The following CNBD1 variants were observed in gnomAD, a reference collection of about 807,000 sequenced individuals.
CNBD1 encodes cyclic nucleotide binding domain containing 1.
Under a neutral mutation model 54.4 loss-of-function variants are expected in CNBD1, and 71 were observed. The ratio of observed to expected loss-of-function variants is 1.30; its 90% CI spans 1.08 to 1.59. The LOEUF (loss-of-function observed/expected upper bound fraction) is 1.59. CNBD1 is among the 40% of genes most tolerant of loss of function. The pLI, the probability that CNBD1 is intolerant of heterozygous loss-of-function variation, is 0.00. For missense variants in CNBD1, 659 were observed against 518.0 expected, an observed-to-expected ratio of 1.27 and a Z score of -2.64; for synonymous variants, 182 against 170.7, an observed-to-expected ratio of 1.07 and a Z score of -0.51.
intron 4 of CNBD1, among the ~76,000 whole-genome samples, chr8:87,133,618 A>G (rs1375711655): frequency 6.6e-6 from 1 of 151,834 alleles, no homozygotes; most frequent in African/African-American, 2.4e-5. Context: ...TTCATTTTCT[A>G]CTAGGTGGGG....
chr8:87,013,020 C>T (rs1350593452), intron 4 of CNBD1, among the ~76,000 whole-genome samples: 1 of 152,154 alleles, frequency 6.6e-6, no homozygotes, highest in African/African-American at 2.4e-5. Flanking sequence ...GAGTTTGACT[C>T]TTTTTGTCAA....
Position 87,342,403 on chromosome 8 carries a change from A to T in CNBD1, c.1043-9282A>T, listed in dbSNP as rs1050361309. 2.6e-5 allele frequency among the ~76,000 whole-genome samples: 4 copies of T among 152,180 alleles called. 1 individual carries two copies. The highest frequency in any genetic ancestry group is 6.5e-5 in the Admixed American group (1 of 15,282). ...GAAACCAATTTATTTGTATTCTTTAATTAGAGTATATTTCTCTCAGTTACT... is the reference window on the plus strand; with the variant it reads ...GAAACCAATTTATTTGTATTCTTTATTTAGAGTATATTTCTCTCAGTTACT... On this transcript the variant is annotated intron_variant, in intron 8 of 10. Coordinates refer to ENST00000518476, the MANE Select transcript of CNBD1 (RefSeq NM_173538.3).
In CNBD1 at chr8:86,939,595, G is replaced by T; in HGVS notation, c.273-1G>T. ...ATAAAATACTATATTTTCTTGTTCA[G>T]GGAACTCAATGAAGGCAAAGAGGAA... is the stretch of plus-strand genomic sequence containing the variant. On this transcript the variant is annotated splice_acceptor_variant, in intron 3 of 10. Coordinates refer to ENST00000518476, the MANE Select transcript of CNBD1 (RefSeq NM_173538.3). LOFTEE classifies it high-confidence loss of function. 4 of 1,572,294 alleles carry T rather than the reference G, an allele frequency of 2.5e-6. No individual in the cohort carries two copies. The highest frequency in any genetic ancestry group is 3.4e-6 in the Non-Finnish European group (4 of 1,162,810).
intron 5 of CNBD1, among the ~76,000 whole-genome samples, chr8:87,234,292 A>G (rs747537209): frequency 8.5e-5 from 13 of 152,218 alleles, no homozygotes; most frequent in Non-Finnish European, 1.5e-4. Context: ...AATGGCATCT[A>G]GAATAATGAA....
chr8:87,245,744 T>C (rs1177712714), intron 6 of CNBD1, among the ~76,000 whole-genome samples: 1 of 152,020 alleles, frequency 6.6e-6, no homozygotes, highest in Non-Finnish European at 1.5e-5. Flanking sequence ...TTTTACCTAT[T>C]AATTTATAAG....
chr8:87,011,793 GT>G (rs1809228505), intron 4 of CNBD1, among the ~76,000 whole-genome samples: 1 of 152,034 alleles, frequency 6.6e-6, no homozygotes, highest in African/African-American at 2.4e-5. Context: ...GGCTCATATT[GT>G]TTTTATGGAA....
intron 4 of CNBD1, among the ~76,000 whole-genome samples, chr8:87,033,203 A>G (rs1038000506): frequency 1.3e-5 from 2 of 152,154 alleles, no homozygotes; most frequent in Non-Finnish European, 2.9e-5. Context: ...CACAGTATTG[A>G]CAATTTCTTA....
intron 4 of CNBD1, among the ~76,000 whole-genome samples, chr8:87,188,025 C>G (rs963933907): frequency 3.3e-5 from 5 of 152,136 alleles, no homozygotes; most frequent in African/African-American, 7.2e-5. Flanking sequence ...TTCCTCATTG[C>G]TCTCTCTGCT....
chr8:86,944,297 G>A (rs1029304998), intron 4 of CNBD1, among the ~76,000 whole-genome samples: 2 of 152,132 alleles, frequency 1.3e-5, no homozygotes, highest in African/African-American at 4.8e-5. Flanking sequence ...GTTTCTGTCA[G>A]TATTCCTGGT....
intron 4 of CNBD1, among the ~76,000 whole-genome samples, chr8:86,967,458 G>A (rs185213065): frequency 6.6e-5 from 10 of 152,324 alleles, no homozygotes; most frequent in South Asian, 4.1e-4. Flanking sequence ...CAGAAGGGGC[G>A]GGGCTCCCAC....
intron 4 of CNBD1, among the ~76,000 whole-genome samples, chr8:87,160,119 TTATC>T (rs1812824630): frequency 1.3e-5 from 2 of 152,056 alleles, no homozygotes; most frequent in Admixed American, 1.3e-4. Flanking sequence ...TGGAAGATGA[TTATC>T]ATATCATTTG....
At chr8:87,219,865 T>C (rs757089065) in intron 5 of CNBD1, among the ~76,000 whole-genome samples, 3 of 151,992 alleles carry the variant, frequency 2.0e-5, no homozygotes, top group Non-Finnish European at 4.4e-5. Context: ...CACATACTTC[T>C]TAATATTTTG....
rs183207556 is a variant in CNBD1, at chr8:87,321,016, C to T, written c.1043-30669C>T. Among the ~76,000 whole-genome samples, 13 of 152,204 alleles carry T rather than the reference C, an allele frequency of 8.5e-5. No individual in the cohort carries two copies. The East Asian group carries it at 2.1e-3, about 25-fold the overall frequency. ...TTAGAATAATATTCTCAAACTGCAT[C>T]CATGTTGCAGAATATGAGAGTAATT... is the stretch of plus-strand genomic sequence containing the variant. On this transcript the variant is annotated intron_variant, in intron 8 of 10. Coordinates refer to ENST00000518476, the MANE Select transcript of CNBD1 (RefSeq NM_173538.3).
At chr8:87,341,760 G>A (rs6468777) in intron 8 of CNBD1, among the ~76,000 whole-genome samples, 15,011 of 152,228 alleles carry the variant, frequency 0.099, 753 homozygotes, top group African/African-American at 0.11. Flanking sequence ...AATCTTGGAA[G>A]TAGAGAGCAA....
At chr8:87,256,006 T>C (rs1808010275) in intron 6 of CNBD1, among the ~76,000 whole-genome samples, 1 of 20,674 alleles carries the variant, frequency 4.8e-5, no homozygotes, top group Non-Finnish European at 8.0e-5. Context: ...TATATATATA[T>C]ATATATATAT....
At chr8:87,194,311 A>G (rs1586320974) in intron 4 of CNBD1, among the ~76,000 whole-genome samples, 1 of 152,226 alleles carries the variant, frequency 6.6e-6, no homozygotes, top group Non-Finnish European at 1.5e-5. Flanking sequence ...GTTAAGGGGA[A>G]CAATGTTTAA....
At chr8:87,418,968 T>C (rs1276783530) in intron 2 of CNBD1, among the ~76,000 whole-genome samples, 4 of 151,864 alleles carry the variant, frequency 2.6e-5, no homozygotes, top group Non-Finnish European at 4.4e-5. Flanking sequence ...CTAAAGAGAA[T>C]TGAAAACATA....
chr8:87,333,723 G>A (rs1401063761), intron 8 of CNBD1, among the ~76,000 whole-genome samples: 2 of 152,166 alleles, frequency 1.3e-5, no homozygotes, highest in Admixed American at 6.5e-5. Flanking sequence ...AAGCCGACTT[G>A]ATCATGGTGG....
chr8:87,204,826 A>G (rs967679090), intron 4 of CNBD1, among the ~76,000 whole-genome samples: 2 of 152,178 alleles, frequency 1.3e-5, no homozygotes, highest in African/African-American at 2.4e-5. Context: ...GGTTTTGGTT[A>G]TGATATCATG....
Sources: gnomAD v4.1 joint callset for allele counts (sites outside exome capture counted in the v4.1 genomes callset) on GRCh38, gnomAD v4.1.1 for gene constraint, MANE v1.5 for transcripts, NCBI Gene and HGNC (gene_info 2026-07-23, HGNC 2026-07-21) for gene names.